Variants in PCNX2 observed in about 807,000 individuals in gnomAD.
PCNX2 encodes pecanex 2.
PCNX2 carries 168 observed loss-of-function variants against 223.8 expected under a neutral mutation model. That is an observed-to-expected ratio of 0.75 (90% CI 0.66 to 0.85). The LOEUF (loss-of-function observed/expected upper bound fraction) is 0.85, where lower values mean the gene tolerates loss of function less well. Ranked by LOEUF, PCNX2 falls within the 40% of genes least tolerant of loss-of-function variation. PCNX2 has a pLI of 0.00. For synonymous variants in PCNX2, 1,006 were observed against 1,052.6 expected (o/e 0.96, Z 0.86); for missense variants, 2,507 against 2,675.5 (o/e 0.94, Z 1.39).
rs181256319 is a variant in PCNX2 at position 233,229,436 on chromosome 1, C to T, written c.2359-2065G>A. 4.4e-3 allele frequency among the ~76,000 whole-genome samples: 665 copies of T among 152,254 alleles called. 8 individuals carry two copies. Among genetic ancestry groups the T allele is most frequent in the Non-Finnish European group, 5.6e-3 (381 of 68,022 alleles). Reference sequence around the variant, plus strand: ...CATCTCAGCAGGAACAGCTTCTTTGCATGATGATGAACTTGTGGTTTATAG... The same window carrying T: ...CATCTCAGCAGGAACAGCTTCTTTGTATGATGATGAACTTGTGGTTTATAG... On this transcript the variant is annotated intron_variant, in intron 9 of 33. Transcript: ENST00000258229.
chr1:233,102,339 A>G (rs1674533958), intron 21 of PCNX2, among the ~76,000 whole-genome samples: 1 of 152,162 alleles, frequency 6.6e-6, no homozygotes, highest in African/African-American at 2.4e-5. Flanking sequence ...TATCATAAAC[A>G]TGGGGGCACA....
At chr1:233,234,219 T>C (rs1375955406) in intron 9 of PCNX2, among the ~76,000 whole-genome samples, 1 of 152,228 alleles carries the variant, frequency 6.6e-6, no homozygotes, top group Non-Finnish European at 1.5e-5. Context: ...ACCTATTTAA[T>C]TTTTATTTTG....
At chr1:233,032,667 G>T (rs1671311443) in intron 25 of PCNX2, among the ~76,000 whole-genome samples, 1 of 151,282 alleles carries the variant, frequency 6.6e-6, no homozygotes, top group African/African-American at 2.4e-5. Context: ...CCATGCACAT[G>T]TGTGTGTCTG....
chr1:233,311,560 A>G, the PCNX2 span, among the ~76,000 whole-genome samples: 1 of 152,260 alleles, frequency 6.6e-6, no homozygotes, highest in African/African-American at 2.4e-5. Context: ...AAAACTGAGT[A>G]ATACACACAA....
intron 12 of PCNX2, among the ~76,000 whole-genome samples, chr1:233,212,406 G>C (rs1234226096): frequency 6.6e-6 from 1 of 152,176 alleles, no homozygotes; most frequent in African/African-American, 2.4e-5. Flanking sequence ...AATGTGATAG[G>C]CTACTTTAAA....
intron 1 of PCNX2, chr1:233,291,857 T>C: frequency 1.0e-6 from 1 of 984,912 alleles, no homozygotes; most frequent in Non-Finnish European, 1.2e-6. Flanking sequence ...GGTTGGGAAC[T>C]GTGTATTTGA....
intron 21 of PCNX2, among the ~76,000 whole-genome samples, chr1:233,111,159 C>T (rs1675091287): frequency 6.6e-6 from 1 of 152,134 alleles, no homozygotes; most frequent in South Asian, 2.1e-4. Context: ...AGAATGGGCA[C>T]TGGAGTCAGA....
chr1:233,019,088 G>GT lies in PCNX2; in HGVS notation c.4606-1935dup, dbSNP rs201179574. On this transcript the variant is annotated intron_variant, in intron 26 of 33. Transcript: ENST00000258229. Reference sequence around the variant, plus strand: ...TTTACTTGGGTATCTGGTTTCAAGGGTTTTTTTTTAGGACTTTAGCAGGTG... The same window carrying GT: ...TTTACTTGGGTATCTGGTTTCAAGGGTTTTTTTTTTAGGACTTTAGCAGGTG... 1.1e-3 allele frequency: 1,101 copies of GT among 981,560 alleles called. 9 individuals carry two copies. In the African/African-American group the frequency reaches 0.014, roughly 12 times the overall value. The allele number at this position is 981,560 out of a possible 1,614,324, so 60.8% of individuals were successfully genotyped here.
chr1:232,986,008 G>A (rs1416276092), intron 33 of PCNX2, 84 bp downstream of exon 33: 1 of 1,424,802 alleles, frequency 7.0e-7, no homozygotes, highest in South Asian at 1.2e-5. Context: ...AGAAGGGTGG[G>A]AACGCAAGGC....
At chr1:233,171,621 G>C (rs549935416) in intron 17 of PCNX2, among the ~76,000 whole-genome samples, 24 of 152,092 alleles carry the variant, frequency 1.6e-4, no homozygotes, top group Admixed American at 6.5e-4. Context: ...CTGTGTGCTT[G>C]GCATGCTGCA....
At chr1:233,305,318 A>G in the PCNX2 span, among the ~76,000 whole-genome samples, 6 of 152,356 alleles carry the variant, frequency 3.9e-5, no homozygotes, top group East Asian at 1.9e-4. Flanking sequence ...ATGAGATAAA[A>G]TGGAGTTATA....
chr1:233,186,055 A>G (rs966494680), intron 15 of PCNX2, among the ~76,000 whole-genome samples: 4 of 152,114 alleles, frequency 2.6e-5, no homozygotes, highest in African/African-American at 7.2e-5. Flanking sequence ...GAATTCCAGC[A>G]TTTTTCTCCT....
chr1:233,233,442 G>A, intron 9 of PCNX2, among the ~76,000 whole-genome samples: 1 of 151,394 alleles, frequency 6.6e-6, no homozygotes, highest in South Asian at 2.1e-4. Context: ...GTGTGTGTGT[G>A]TGTGTGTGTG....
At chr1:233,211,569 A>T (rs779321300) in intron 12 of PCNX2, among the ~76,000 whole-genome samples, 18 of 152,174 alleles carry the variant, frequency 1.2e-4, no homozygotes, top group Non-Finnish European at 2.2e-4. Context: ...TACCCTGAGA[A>T]GCATATACTA....
chr1:233,148,119 A>G (rs1351429168), intron 19 of PCNX2, among the ~76,000 whole-genome samples: 1 of 152,196 alleles, frequency 6.6e-6, no homozygotes, highest in Non-Finnish European at 1.5e-5. Flanking sequence ...ACTGCTTTCC[A>G]TGGATTAATT....
At chr1:233,316,345 G>A in the PCNX2 span, among the ~76,000 whole-genome samples, 4 of 152,128 alleles carry the variant, frequency 2.6e-5, no homozygotes, top group South Asian at 2.1e-4. Flanking sequence ...TACTGTTACC[G>A]TATCATCACC....
At chr1:233,320,241 A>C in the PCNX2 span, among the ~76,000 whole-genome samples, 1 of 152,232 alleles carries the variant, frequency 6.6e-6, no homozygotes, top group African/African-American at 2.4e-5. Flanking sequence ...ATTATTATGC[A>C]ATAATTATGC....
chr1:233,250,699 A>T (rs1659399114), intron 8 of PCNX2, 40 bp downstream of exon 8: 1 of 1,555,764 alleles, frequency 6.4e-7, no homozygotes, highest in Non-Finnish European at 8.7e-7. Flanking sequence ...TCTCCCAGCA[A>T]TGCAACAGCT....
intron 28 of PCNX2, among the ~76,000 whole-genome samples, chr1:233,014,120 T>C (rs995780860): frequency 3.9e-5 from 6 of 152,222 alleles, no homozygotes; most frequent in Admixed American, 2.0e-4. Flanking sequence ...AGTTTGATTT[T>C]GTTTCTGTTC....
Sources: allele counts gnomAD v4.1 joint callset (sites outside exome capture counted in the v4.1 genomes callset), GRCh38; gene constraint gnomAD v4.1.1; transcripts MANE v1.5; gene names NCBI Gene and HGNC (gene_info 2026-07-23, HGNC 2026-07-21).